Variants in SNTB1 observed in about 807,000 individuals in gnomAD.
The protein encoded by SNTB1 is syntrophin beta 1.
SNTB1 carries 36 observed loss-of-function variants against 48.9 expected under a neutral mutation model. The observed-to-expected ratio is 0.74, with a 90% CI of 0.56 to 0.97. The LOEUF (loss-of-function observed/expected upper bound fraction) is 0.97, where lower values mean the gene tolerates loss of function less well. Among genes scored for constraint, SNTB1 ranks in the 50% least tolerant of loss-of-function variants. SNTB1 has a pLI of 0.00. For synonymous variants in SNTB1, 299 were observed against 294.6 expected (o/e 1.01, Z -0.15); for missense variants, 786 against 703.4 (o/e 1.12, Z -1.33).
In SNTB1 at chr8:120,811,354, T is replaced by C; in HGVS notation, c.490A>G (p.Asn164Asp). ...GTGGCGTCCCGCAGGTCGGCTCCGT[T>C]CACGGACAGGATGGCGTCGCCCACG... The part of the protein sequence containing the change: ...LYVGDAILSV[N>D]GADLRDATHD... Residue 164 changes from asparagine to aspartate, a missense_variant, in exon 1 of 7, where the codon AAC (asparagine) becomes GAC (aspartate). By Grantham distance (23) the Asn-to-Asp change is conservative. Coordinates refer to ENST00000517992, the MANE Select transcript of SNTB1 (RefSeq NM_021021.4). The C allele has an allele frequency of 6.2e-7, 1 of 1,613,490 alleles. No homozygotes were observed. The highest frequency in any genetic ancestry group is 8.5e-7 in the Non-Finnish European group (1 of 1,179,908).
At chr8:120,782,596 A>G (rs1236397283) in intron 1 of SNTB1, among the ~76,000 whole-genome samples, 2 of 152,148 alleles carry the variant, frequency 1.3e-5, no homozygotes, top group Admixed American at 6.5e-5. Context: ...ATGTATACAT[A>G]CATACCTACA....
rs1489617615 is a variant in SNTB1 at position 120,812,012 on chromosome 8, T to G, written c.-169A>C. On this transcript the variant is annotated 5_prime_UTR_variant, in exon 1 of 7. Coordinates refer to ENST00000517992, the MANE Select transcript of SNTB1 (RefSeq NM_021021.4). ...AGTTCGCAGACGCACTCGGCGGGAG[T>G]TGGCAGCTGCACTCAGGCTGGTTCC... 6.2e-5 allele frequency: 79 copies of G among 1,264,490 alleles called. No individual in the cohort carries two copies. The highest frequency in any genetic ancestry group is 7.8e-5 in the Non-Finnish European group (79 of 1,011,382). 78.3% of individuals were successfully genotyped at this position (1,264,490 alleles called of 1,614,324 possible).
intron 6 of SNTB1, among the ~76,000 whole-genome samples, chr8:120,540,075 A>G (rs998773272): frequency 2.1e-4 from 32 of 152,236 alleles, no homozygotes; most frequent in Admixed American, 2.0e-3. Context: ...AGGGACATTA[A>G]AGATTAGCTA....
chr8:120,708,051 T>G (rs1818407841), intron 1 of SNTB1, among the ~76,000 whole-genome samples: 1 of 151,682 alleles, frequency 6.6e-6, no homozygotes, highest in Admixed American at 6.6e-5. Context: ...ATAAAAAAAT[T>G]GACATAAAAT....
chr8:120,659,225 A>G (rs1563844178), intron 2 of SNTB1, among the ~76,000 whole-genome samples: 1 of 152,190 alleles, frequency 6.6e-6, no homozygotes, highest in Non-Finnish European at 1.5e-5. Flanking sequence ...CGGCCTCCCA[A>G]AGTGTTGAGA....
chr8:120,580,185 G>A (rs995044295), intron 3 of SNTB1, among the ~76,000 whole-genome samples: 6 of 152,130 alleles, frequency 3.9e-5, no homozygotes, highest in South Asian at 2.1e-4. Context: ...AAAGCAATAC[G>A]GGGGTCTCTT....
chr8:120,768,386 C>T (rs1027611321), intron 1 of SNTB1, among the ~76,000 whole-genome samples: 1 of 152,200 alleles, frequency 6.6e-6, no homozygotes, highest in East Asian at 1.9e-4. Flanking sequence ...CAGGTATTAA[C>T]TGAGTATTAT....
chr8:120,694,921 A>G (rs1257391102), intron 1 of SNTB1, among the ~76,000 whole-genome samples: 1 of 152,180 alleles, frequency 6.6e-6, no homozygotes, highest in East Asian at 1.9e-4. Flanking sequence ...AAATAACTTA[A>G]GAAAACAAAA....
chr8:120,579,881 G>A (rs1816015964), intron 3 of SNTB1, among the ~76,000 whole-genome samples: 1 of 152,184 alleles, frequency 6.6e-6, no homozygotes, highest in African/African-American at 2.4e-5. Flanking sequence ...CTGTCTTACA[G>A]ACAGTAAACA....
intron 1 of SNTB1, among the ~76,000 whole-genome samples, chr8:120,745,886 G>A (rs949116400): frequency 3.9e-5 from 6 of 152,042 alleles, no homozygotes; most frequent in East Asian, 1.9e-4. Flanking sequence ...GAGTTACTCC[G>A]TCATGCACCC....
intron 2 of SNTB1, among the ~76,000 whole-genome samples, chr8:120,675,256 A>T (rs1033622616): frequency 6.6e-6 from 1 of 152,130 alleles, no homozygotes; most frequent in African/African-American, 2.4e-5. Context: ...GAAAGAAAAA[A>T]TTTCATTTAC....
chr8:120,691,211 C>A (rs921632856), intron 2 of SNTB1, among the ~76,000 whole-genome samples: 10 of 152,110 alleles, frequency 6.6e-5, no homozygotes, highest in African/African-American at 2.4e-4. Flanking sequence ...CTGGAAGAAA[C>A]CCAAGAAATC....
intron 1 of SNTB1, among the ~76,000 whole-genome samples, chr8:120,729,377 C>T (rs1458246837): frequency 6.6e-6 from 1 of 152,178 alleles, no homozygotes; most frequent in Admixed American, 6.5e-5. Context: ...ATGTGCTGGA[C>T]ACTCTTTAAA....
rs145646198 is a variant in SNTB1, at chr8:120,668,023, T to C, written c.788+25669A>G. Among the ~76,000 whole-genome samples the C allele has an allele frequency of 1.7e-3, 266 of 152,298 alleles. 1 individual carries two copies. Among genetic ancestry groups the C allele is most frequent in the African/African-American group, 6.1e-3 (252 of 41,564 alleles). ...TTTGCCTCAACTCTGTGTAGTCTCC[T>C]CATACACATACACTGATCGGTTCTC... is the stretch of plus-strand genomic sequence containing the variant. On this transcript the variant is annotated intron_variant, in intron 2 of 6. Transcript: ENST00000517992.
At chr8:120,782,185 A>G (rs1014619887) in intron 1 of SNTB1, among the ~76,000 whole-genome samples, 21 of 152,252 alleles carry the variant, frequency 1.4e-4, no homozygotes, top group South Asian at 6.2e-4. Flanking sequence ...CCCTTTTTAT[A>G]AGAATACCAG....
chr8:120,737,832 GA>G (rs1313029760), intron 1 of SNTB1, among the ~76,000 whole-genome samples: 2 of 152,142 alleles, frequency 1.3e-5, no homozygotes, highest in Non-Finnish European at 2.9e-5. Context: ...GGTCTCCTAA[GA>G]AGGCAACATA....
chr8:120,719,149 G>A (rs1818611695), intron 1 of SNTB1, among the ~76,000 whole-genome samples: 1 of 152,166 alleles, frequency 6.6e-6, no homozygotes, highest in Admixed American at 6.5e-5. Context: ...GTGTCTGTGA[G>A]GGTGTTGCCA....
chr8:120,605,554 T>C (rs7835353), intron 3 of SNTB1, among the ~76,000 whole-genome samples: 35,926 of 152,088 alleles, frequency 0.24, 4,386 homozygotes, highest in African/African-American at 0.29. Context: ...TTCACCTCTT[T>C]TTGTATCTAC....
intron 4 of SNTB1, chr8:120,571,163 A>T: frequency 8.2e-7 from 1 of 1,213,322 alleles, no homozygotes; most frequent in Non-Finnish European, 1.1e-6. Context: ...AAGGCTATGT[A>T]CGAGGGTAAA....
Sources: gnomAD v4.1 joint callset for allele counts (sites outside exome capture counted in the v4.1 genomes callset) on GRCh38, gnomAD v4.1.1 for gene constraint, MANE v1.5 for transcripts, NCBI Gene and HGNC (gene_info 2026-07-23, HGNC 2026-07-21) for gene names.